Variants in TMCO1 observed in about 807,000 individuals in gnomAD.
The protein encoded by TMCO1 is transmembrane and coiled-coil domains 1.
A neutral mutation model predicts 29.3 loss-of-function variants in TMCO1; 29 were observed. The observed-to-expected ratio is 0.99, with a 90% CI of 0.74 to 1.35. TMCO1 has a LOEUF of 1.35. Among genes scored for constraint, TMCO1 ranks in the 40% most tolerant of loss-of-function variants. The pLI, the probability that TMCO1 is intolerant of heterozygous loss-of-function variation, is 0.00. For synonymous variants in TMCO1, 80 were observed against 77.1 expected (o/e 1.04, Z -0.20); for missense variants, 173 against 225.5 (o/e 0.77, Z 1.49).
At chr1:165,728,317 A>T (rs959456047) in intron 6 of TMCO1, among the ~76,000 whole-genome samples, 196 bp from the exon 7 acceptor site, 1 of 149,306 alleles carries the variant, frequency 6.7e-6, no homozygotes, top group Admixed American at 6.7e-5. Flanking sequence ...AGTGCAGTGG[A>T]GCAATCTTGG....
rs1650959771 is a variant in TMCO1, at chr1:165,727,686, A to G, written c.*337T>C. ...AATCTCTAAATGCTCATAGACAGCC[A>G]ACTTGCAGGGCATACACAGTGCCTT... On this transcript the variant is annotated 3_prime_UTR_variant, in exon 7 of 7. Coordinates refer to ENST00000367881, the MANE Select transcript of TMCO1 (RefSeq NM_019026.6). The G allele has an allele frequency of 2.2e-6, 1 of 454,660 alleles. No individual in the cohort carries two copies. Among genetic ancestry groups the G allele is most frequent in the Non-Finnish European group, 4.4e-6 (1 of 227,258 alleles). 28.2% of individuals were successfully genotyped at this position (454,660 alleles called of 1,614,324 possible). A position where few individuals can be genotyped will look rare whatever the true frequency, so the allele number is the denominator to read the frequency against.
At chr1:165,738,360 G>C (rs1042330992) in intron 6 of TMCO1, among the ~76,000 whole-genome samples, 1 of 152,080 alleles carries the variant, frequency 6.6e-6, no homozygotes, top group Non-Finnish European at 1.5e-5. Flanking sequence ...GGCATTCATG[G>C]GAAAATCACG....
chr1:165,726,166 T>C (rs1196320092), downstream of TMCO1: 11 of 694,538 alleles, frequency 1.6e-5, no homozygotes, highest in East Asian at 2.4e-4. Context: ...TTCTTCATTA[T>C]CATTCGAATT....
At chr1:165,752,250 T>A in intron 4 of TMCO1, 81 bp from the exon 5 acceptor site, 1 of 908,324 alleles carries the variant, frequency 1.1e-6, no homozygotes, top group Non-Finnish European at 1.7e-6. Context: ...TGGTTTCATG[T>A]CATTTTTTTT....
At chr1:165,734,749 T>C (rs895226632) in intron 6 of TMCO1, among the ~76,000 whole-genome samples, 1 of 152,278 alleles carries the variant, frequency 6.6e-6, no homozygotes, top group East Asian at 1.9e-4. Context: ...GTGATCCACC[T>C]GCCTTGGCCT....
intron 6 of TMCO1, among the ~76,000 whole-genome samples, chr1:165,730,688 G>C (rs1172023199): frequency 6.6e-6 from 1 of 150,906 alleles, no homozygotes; most frequent in Non-Finnish European, 1.5e-5. Flanking sequence ...TCCACTTCCC[G>C]GGCTCAAGCA....
At chr1:165,752,745 G>C (rs915954447) in intron 4 of TMCO1, among the ~76,000 whole-genome samples, 4 of 151,496 alleles carry the variant, frequency 2.6e-5, no homozygotes, top group African/African-American at 7.3e-5. Context: ...AGTGAGCCGA[G>C]ATTGTGCCAT....
chr1:165,744,534 G>A lies in TMCO1; in HGVS notation c.324-1223C>T, dbSNP rs148966530. Among the ~76,000 whole-genome samples, 495 of 152,206 alleles carry A rather than the reference G, an allele frequency of 3.3e-3. 1 individual carries two copies. Among genetic ancestry groups the A allele is most frequent in the African/African-American group, 0.011 (473 of 41,544 alleles). On this transcript the variant is annotated intron_variant, in intron 5 of 6. Transcript: ENST00000367881. The stretch of plus-strand genomic sequence containing the variant: ...AGGCTGGGCACGGTGGCTCACACCT[G>A]TAATTCCAGCACTTTGGGAGGCCAA...
chr1:165,729,510 G>T (rs1470850947), intron 6 of TMCO1, among the ~76,000 whole-genome samples: 1 of 151,728 alleles, frequency 6.6e-6, no homozygotes, highest in Non-Finnish European at 1.5e-5. Flanking sequence ...AGTAGAGAAG[G>T]GGTTTCACCA....
chr1:165,737,067 C>A (rs1447677842), intron 6 of TMCO1, among the ~76,000 whole-genome samples: 1 of 152,156 alleles, frequency 6.6e-6, no homozygotes, highest in Non-Finnish European at 1.5e-5. Context: ...GCCTCAGCTT[C>A]CTAAATGCTG....
At chr1:165,749,787 A>T (rs942792473) in intron 5 of TMCO1, among the ~76,000 whole-genome samples, 2 of 152,192 alleles carry the variant, frequency 1.3e-5, no homozygotes, top group Non-Finnish European at 2.9e-5. Context: ...ATATTTTCCA[A>T]AAAAAGAGTT....
chr1:165,754,262 T>C lies in TMCO1; in HGVS notation c.221A>G (p.Glu74Gly). 1 of 1,610,840 alleles carries C rather than the reference T, an allele frequency of 6.2e-7. No homozygotes were observed. Among genetic ancestry groups the C allele is most frequent in the Non-Finnish European group, 8.5e-7 (1 of 1,177,428 alleles). ...ATCTCTGTTGTTATTCTTCAGTTTC[T>C]CTTCTTGTCTCTCTGCAAAGAATTA... is the stretch of plus-strand genomic sequence containing the variant. Reference protein sequence around the residue: ...QQKKKIERQEEKLKNNNRDLS... With the variant: ...QQKKKIERQEGKLKNNNRDLS... Residue 74 changes from glutamate (E) to glycine (G), a missense_variant, in exon 4 of 7, where the codon GAG becomes GGG. Coordinates refer to ENST00000367881, the MANE Select transcript of TMCO1 (RefSeq NM_019026.6).
intron 6 of TMCO1, among the ~76,000 whole-genome samples, chr1:165,741,368 A>G (rs558582991): frequency 6.6e-6 from 1 of 152,264 alleles, no homozygotes; most frequent in East Asian, 1.9e-4. Context: ...TCTGTATTTT[A>G]GTCATGCTCC....
At chr1:165,754,859 T>A (rs1358501804) in intron 3 of TMCO1, 1 of 154,006 alleles carries the variant, frequency 6.5e-6, no homozygotes, top group Non-Finnish European at 1.4e-5. Flanking sequence ...CCAACCGTGA[T>A]GGTGTGCCCC....
At chr1:165,740,263 G>A (rs1196035351) in intron 6 of TMCO1, among the ~76,000 whole-genome samples, 2 of 151,766 alleles carry the variant, frequency 1.3e-5, no homozygotes, top group Non-Finnish European at 1.5e-5. Flanking sequence ...GTGCAGTGGC[G>A]TGATCTTGGC....
chr1:165,743,116 T>C (rs1210752045), intron 6 of TMCO1, 51 bp downstream of exon 6: 2 of 1,603,338 alleles, frequency 1.2e-6, no homozygotes, highest in Non-Finnish European at 1.7e-6. Flanking sequence ...AGCTAATTGG[T>C]ATGACAGCAA....
At chr1:165,750,546 A>AG (rs1045425163) in intron 5 of TMCO1, among the ~76,000 whole-genome samples, 2 of 149,806 alleles carry the variant, frequency 1.3e-5, no homozygotes, top group Non-Finnish European at 2.9e-5. Flanking sequence ...CGTCTCAAAA[A>AG]AAAAAAGAAA....
At chr1:165,734,434 A>G (rs1335923523) in intron 6 of TMCO1, among the ~76,000 whole-genome samples, 5 of 152,196 alleles carry the variant, frequency 3.3e-5, no homozygotes, top group African/African-American at 1.2e-4. Context: ...GACTAGATCA[A>G]TCATTTTCAG....
intron 5 of TMCO1, among the ~76,000 whole-genome samples, chr1:165,744,306 T>C (rs943043119): frequency 5.9e-5 from 9 of 152,168 alleles, no homozygotes; most frequent in Non-Finnish European, 1.2e-4. Context: ...AGTACAGATA[T>C]AGGGAGGCAT....
Sources: allele counts gnomAD v4.1 joint callset (sites outside exome capture counted in the v4.1 genomes callset), GRCh38; gene constraint gnomAD v4.1.1; transcripts MANE v1.5; gene names NCBI Gene and HGNC (gene_info 2026-07-23, HGNC 2026-07-21).